RAB38: variants seen among roughly 807,000 people sequenced by gnomAD.
RAB38 encodes the protein RAB38, member RAS oncogene family.
RAB38 carries 15 observed loss-of-function variants against 18.4 expected under a neutral mutation model. The observed-to-expected ratio is 0.82, with a 90% CI of 0.55 to 1.26. The LOEUF is 1.26. Ranked by LOEUF, RAB38 falls within the 50% of genes most tolerant of loss-of-function variation. The pLI is 0.00. For synonymous variants in RAB38, 101 were observed against 104.4 expected (o/e 0.97, Z 0.20); for missense variants, 294 against 267.4 (o/e 1.10, Z -0.69).
At chr11:87,873,922 G>A in the RAB38 span, among the ~76,000 whole-genome samples, 138 of 103,106 alleles carry the variant, frequency 1.3e-3, no homozygotes, top group East Asian at 5.2e-3. Flanking sequence ...GTGTGTGTGT[G>A]TATATATATA....
chr11:88,114,673 C>T (rs532101148), intron 2 of RAB38, among the ~76,000 whole-genome samples: 2 of 152,218 alleles, frequency 1.3e-5, no homozygotes, highest in South Asian at 2.1e-4. Context: ...ACTTGTTGGG[C>T]GTCAAAATGT....
At chr11:87,925,979 C>G in the RAB38 span, among the ~76,000 whole-genome samples, 8 of 151,920 alleles carry the variant, frequency 5.3e-5, no homozygotes, top group Non-Finnish European at 1.5e-5. Context: ...CTTAGTGAAG[C>G]AGGAGAGGAT....
At chr11:88,030,591 C>T in the RAB38 span, among the ~76,000 whole-genome samples, 1 of 152,018 alleles carries the variant, frequency 6.6e-6, no homozygotes, top group Non-Finnish European at 1.5e-5. Context: ...TCAGAGAATA[C>T]AAAAACACCT....
At chr11:87,814,428 C>T in the RAB38 span, among the ~76,000 whole-genome samples, 1 of 152,250 alleles carries the variant, frequency 6.6e-6, no homozygotes, top group East Asian at 1.9e-4. Context: ...GCTTTTAATG[C>T]ACTTTTATAT....
chr11:88,118,188 G>T (rs1341058275), intron 2 of RAB38, among the ~76,000 whole-genome samples: 1 of 152,250 alleles, frequency 6.6e-6, no homozygotes, highest in Non-Finnish European at 1.5e-5. Flanking sequence ...AATGGGCAGA[G>T]CACCTGGTTC....
At chr11:87,947,827 A>T in the RAB38 span, among the ~76,000 whole-genome samples, 3,498 of 152,246 alleles carry the variant, frequency 0.023, 139 homozygotes, top group African/African-American at 0.08. Flanking sequence ...AGGTAGCGTG[A>T]TGCCTCCCAG....
the RAB38 span, among the ~76,000 whole-genome samples, chr11:87,847,816 C>A: frequency 6.6e-6 from 1 of 152,122 alleles, no homozygotes; most frequent in South Asian, 2.1e-4. Flanking sequence ...CATGTCCTTT[C>A]ACCGACCCTC....
chr11:87,885,279 TGTC>T, the RAB38 span, among the ~76,000 whole-genome samples: 1 of 148,408 alleles, frequency 6.7e-6, no homozygotes, highest in Non-Finnish European at 1.5e-5. Context: ...GTACTGGGTG[TGTC>T]AGGTGTGATC....
the RAB38 span, among the ~76,000 whole-genome samples, chr11:87,911,393 G>A: frequency 1.3e-5 from 2 of 151,986 alleles, no homozygotes; most frequent in Non-Finnish European, 2.9e-5. Context: ...TTGAGTCTCC[G>A]AGTCCTTGAT....
At chr11:87,861,276 G>A in the RAB38 span, among the ~76,000 whole-genome samples, 31 of 152,006 alleles carry the variant, frequency 2.0e-4, no homozygotes, top group African/African-American at 7.2e-4. Context: ...ACACAGTTCC[G>A]ACTGAAAAAT....
chr11:88,162,343 C>A (rs1328853032), intron 1 of RAB38, among the ~76,000 whole-genome samples: 1 of 152,098 alleles, frequency 6.6e-6, no homozygotes, highest in Non-Finnish European at 1.5e-5. Flanking sequence ...ACAAGCCACC[C>A]CATAGCCAGA....
chr11:87,931,623 A>C, the RAB38 span, among the ~76,000 whole-genome samples: 1 of 152,080 alleles, frequency 6.6e-6, no homozygotes, highest in Admixed American at 6.6e-5. Context: ...AGAACAGAAC[A>C]ATTTTCAAAA....
At chr11:88,072,867 C>G in the RAB38 span, among the ~76,000 whole-genome samples, 28 of 152,108 alleles carry the variant, frequency 1.8e-4, no homozygotes, top group East Asian at 4.5e-3. Context: ...TTCACTGCCT[C>G]CCCACTCTTC....
chr11:87,921,886 C>G, the RAB38 span, among the ~76,000 whole-genome samples: 1 of 151,814 alleles, frequency 6.6e-6, no homozygotes, highest in Admixed American at 6.6e-5. Context: ...AAGAGATGAT[C>G]TAGTCTTCTA....
chr11:87,936,830 C>A, the RAB38 span, among the ~76,000 whole-genome samples: 1 of 152,068 alleles, frequency 6.6e-6, no homozygotes, highest in Admixed American at 6.6e-5. Flanking sequence ...TTGTATTATG[C>A]AACCTTCCTA....
chr11:87,957,754 G>C, the RAB38 span, among the ~76,000 whole-genome samples: 128 of 152,152 alleles, frequency 8.4e-4, 1 homozygote, highest in African/African-American at 2.6e-3. Context: ...TCTGAGGTGG[G>C]GAGAAAAATT....
At chr11:88,063,128 G>A in the RAB38 span, among the ~76,000 whole-genome samples, 6 of 151,970 alleles carry the variant, frequency 3.9e-5, no homozygotes, top group Non-Finnish European at 8.8e-5. Context: ...GTCATGGTGG[G>A]GGTAGCAAGA....
the RAB38 span, among the ~76,000 whole-genome samples, chr11:88,054,512 G>T: frequency 6.6e-6 from 1 of 152,190 alleles, no homozygotes; most frequent in African/African-American, 2.4e-5. Flanking sequence ...TTAATGCTGA[G>T]AACTGTATAG....
the RAB38 span, among the ~76,000 whole-genome samples, chr11:87,967,958 G>A: frequency 6.6e-6 from 1 of 152,036 alleles, no homozygotes; most frequent in Non-Finnish European, 1.5e-5. Flanking sequence ...CTCACTGGAT[G>A]GATATGTCTT....
Sources: gnomAD v4.1 joint callset for allele counts (sites outside exome capture counted in the v4.1 genomes callset) on GRCh38, gnomAD v4.1.1 for gene constraint, MANE v1.5 for transcripts, NCBI Gene and HGNC (gene_info 2026-07-23, HGNC 2026-07-21) for gene names.